Variants in PRXL2A observed in about 807,000 individuals in gnomAD.
The protein encoded by PRXL2A is peroxiredoxin-like 2A.
In PRXL2A, 26 loss-of-function variants were observed where a neutral mutation model predicts 25.6. That is an observed-to-expected ratio of 1.02 (90% CI 0.74 to 1.41). PRXL2A has a LOEUF of 1.41. PRXL2A is among the 40% of genes most tolerant of loss of function. PRXL2A has a pLI of 0.00. For synonymous variants in PRXL2A, 98 were observed against 102.9 expected (o/e 0.95, Z 0.29); for missense variants, 246 against 273.9 (o/e 0.90, Z 0.72).
At chr10:80,410,799 G>A (rs1032165684) in intron 1 of PRXL2A, among the ~76,000 whole-genome samples, 5 of 152,178 alleles carry the variant, frequency 3.3e-5, no homozygotes, top group Non-Finnish European at 7.3e-5. Flanking sequence ...TGATGAAGCC[G>A]GAGTTCTGAG....
At chr10:80,422,347 G>T in intron 2 of PRXL2A, 70 bp from the exon 3 acceptor site, 2 of 1,287,454 alleles carry the variant, frequency 1.6e-6, no homozygotes, top group Non-Finnish European at 2.3e-6. Flanking sequence ...ACTTAGTGTG[G>T]TTCATGAGCT....
In PRXL2A at chr10:80,427,158, AAAAG is replaced by A. The variant is rs368206093; in HGVS notation, c.412-172_412-169del. ...ACTCCATCTCAAAAAAAAAAAAAAAAAAAGAGTGGACCTGAATGTGGGCAGTGTG... is the reference window on the plus strand; with the variant it reads ...ACTCCATCTCAAAAAAAAAAAAAAAAAGTGGACCTGAATGTGGGCAGTGTG... On this transcript the variant is annotated intron_variant, in intron 4 of 5. Coordinates refer to ENST00000606162, the MANE Select transcript of PRXL2A (RefSeq NM_032333.5). Among the ~76,000 whole-genome samples the A allele has an allele frequency of 1.9e-3, 286 of 151,748 alleles. 1 individual carries two copies. Among genetic ancestry groups the A allele is most frequent in the African/African-American group, 6.6e-3 (275 of 41,388 alleles).
chr10:80,417,814 C>A (rs1844719012), intron 1 of PRXL2A, among the ~76,000 whole-genome samples: 1 of 146,094 alleles, frequency 6.8e-6, no homozygotes, highest in Admixed American at 7.0e-5. Flanking sequence ...GAGTTCTGGG[C>A]TATAGTGATC....
intron 5 of PRXL2A, among the ~76,000 whole-genome samples, chr10:80,430,509 G>A (rs1262374766): frequency 2.6e-5 from 4 of 152,174 alleles, no homozygotes; most frequent in Non-Finnish European, 2.9e-5. Flanking sequence ...TAGCCGGCGT[G>A]GTGACATGCA....
chr10:80,425,919 C>T lies in PRXL2A; in HGVS notation c.324C>T (p.Pro108=), dbSNP rs148185355. The change falls in exon 4 of 6, where the codon CCC becomes CCT. Residue 108 remains proline (P), a synonymous_variant. Transcript: ENST00000606162. ...LKSMLDQLGV[P]LYAVVKEHIR... is the part of the protein sequence containing the mutation. ...GCATGTTGGACCAGCTGGGCGTCCC[C>T]CTCTATGCAGTGGTAAAGGAGCACA... The T allele has an allele frequency of 1.9e-6, 3 of 1,614,100 alleles. No homozygotes were observed. Among genetic ancestry groups the T allele is most frequent in the African/African-American group, 1.3e-5 (1 of 74,926 alleles).
intron 1 of PRXL2A, chr10:80,413,784 C>A: frequency 8.6e-6 from 9 of 1,044,782 alleles, no homozygotes; most frequent in Non-Finnish European, 9.3e-6. Context: ...AGTCCCGCCT[C>A]CAGCCCTCCC....
chr10:80,412,433 ATAATT>A (rs1237312793), intron 1 of PRXL2A, among the ~76,000 whole-genome samples: 1 of 152,232 alleles, frequency 6.6e-6, no homozygotes, highest in African/African-American at 2.4e-5. Context: ...TAAAATTCAG[ATAATT>A]TAATTAACAT....
At chr10:80,408,180 A>C (rs1325748500), upstream of PRXL2A, among the ~76,000 whole-genome samples, 4 of 151,944 alleles carry the variant, frequency 2.6e-5, no homozygotes, top group Middle Eastern at 3.4e-3. Context: ...AAAAAAAAAA[A>C]AAAAACCTAT....
intron 1 of PRXL2A, among the ~76,000 whole-genome samples, chr10:80,409,385 G>A (rs1298767648): frequency 6.6e-6 from 1 of 152,174 alleles, no homozygotes; most frequent in Non-Finnish European, 1.5e-5. Context: ...GTGGGAAGGA[G>A]GCACACCCGG....
intron 5 of PRXL2A, among the ~76,000 whole-genome samples, chr10:80,428,405 C>T (rs970007910): frequency 4.6e-5 from 7 of 152,098 alleles, no homozygotes; most frequent in East Asian, 1.9e-4. Context: ...ACACCTGTAA[C>T]GCCAGCACTT....
At chr10:80,417,040 C>A (rs776333178) in intron 1 of PRXL2A, among the ~76,000 whole-genome samples, 20 of 152,162 alleles carry the variant, frequency 1.3e-4, no homozygotes, top group Non-Finnish European at 5.9e-5. Context: ...AAAATTCTCT[C>A]GGCCCCGAGG....
chr10:80,411,616 C>T (rs1214276376), intron 1 of PRXL2A, among the ~76,000 whole-genome samples: 1 of 152,232 alleles, frequency 6.6e-6, no homozygotes, highest in Non-Finnish European at 1.5e-5. Context: ...GACTAGCCAG[C>T]TCCTTCTCTG....
At position 80,420,447 on chromosome 10, in the gene PRXL2A, CCTT is replaced by C. The variant is rs1316943635; in HGVS notation, c.-2-13_-2-11del. On this transcript the variant is annotated splice_polypyrimidine_tract_variant and intron_variant, in intron 1 of 5. Transcript: ENST00000606162. ...CCTGTGGGAGCAGTAACGCCTTCTT[CCTT>C]CTTCTCAATCTCCAGAAATGTCTTT... 4.5e-6 allele frequency: 7 copies of C among 1,557,968 alleles called. No homozygotes were observed. Among genetic ancestry groups the C allele is most frequent in the Non-Finnish European group, 5.2e-6 (6 of 1,148,604 alleles).
At chr10:80,427,289 C>T in intron 4 of PRXL2A, 43 bp from the exon 5 acceptor site, 1 of 1,573,400 alleles carries the variant, frequency 6.4e-7, no homozygotes, top group Non-Finnish European at 8.7e-7. Context: ...GGAAGGCAGG[C>T]ATGTAGAGTA....
chr10:80,416,673 C>T (rs895873041), intron 1 of PRXL2A, among the ~76,000 whole-genome samples: 8 of 152,162 alleles, frequency 5.3e-5, no homozygotes, highest in Admixed American at 2.6e-4. Context: ...AAGCCCAGAC[C>T]GCCCTCGTGA....
chr10:80,415,831 TTGAG>T (rs1485827595), intron 1 of PRXL2A, among the ~76,000 whole-genome samples: 3 of 152,172 alleles, frequency 2.0e-5, no homozygotes, highest in African/African-American at 7.2e-5. Flanking sequence ...TGGAGGCTGT[TTGAG>T]TGTGGCAGGG....
rs1288937881 is a variant in PRXL2A at position 80,436,112 on chromosome 10, C to T, written c.*4013C>T. The T allele has an allele frequency of 7.6e-6, 1 of 131,148 alleles. No homozygotes were observed. Among genetic ancestry groups the T allele is most frequent in the Non-Finnish European group, 1.6e-5 (1 of 61,624 alleles). The allele number at this position is 131,148 out of a possible 1,614,324, so 8.1% of individuals were successfully genotyped here. Reference sequence around the variant, plus strand: ...CAGAATCTCTGGGGTAGGCCCCAAGCAACTTTTTTTTTTTTTTTTTTAGAT... The same window carrying T: ...CAGAATCTCTGGGGTAGGCCCCAAGTAACTTTTTTTTTTTTTTTTTTAGAT... On this transcript the variant is annotated 3_prime_UTR_variant, in exon 6 of 6. Coordinates refer to ENST00000606162, the MANE Select transcript of PRXL2A (RefSeq NM_032333.5).
chr10:80,420,062 A>C (rs1402108938), intron 1 of PRXL2A: 3 of 986,376 alleles, frequency 3.0e-6, no homozygotes, highest in Non-Finnish European at 3.6e-6. Flanking sequence ...AGCCACCTGG[A>C]TTGTGAGGGA....
At chr10:80,418,791 G>A (rs893415758) in intron 1 of PRXL2A, among the ~76,000 whole-genome samples, 2 of 152,118 alleles carry the variant, frequency 1.3e-5, no homozygotes, top group African/African-American at 4.8e-5. Context: ...GGAGGTGGGG[G>A]TACTTTGTGG....
Sources: allele counts gnomAD v4.1 joint callset (sites outside exome capture counted in the v4.1 genomes callset), GRCh38; gene constraint gnomAD v4.1.1; transcripts MANE v1.5; gene names NCBI Gene and HGNC (gene_info 2026-07-23, HGNC 2026-07-21).